Variants in PRDM16 observed in about 807,000 individuals in gnomAD.
PRDM16 encodes histone-lysine N-methyltransferase PRDM16.
In PRDM16, 23 loss-of-function variants were observed where a neutral mutation model predicts 110.6. The ratio of observed to expected loss-of-function variants is 0.21; its 90% CI spans 0.15 to 0.29. PRDM16 has a LOEUF of 0.29. PRDM16 is among the 10% of genes least tolerant of loss of function. PRDM16 has a pLI of 1.00. For synonymous variants in PRDM16, 799 were observed against 781.8 expected (o/e 1.02, Z -0.37); for missense variants, 1,615 against 1,794.3 (o/e 0.90, Z 1.81).
chr1:3,205,075 C>T (rs889629787), intron 2 of PRDM16, among the ~76,000 whole-genome samples: 19 of 152,078 alleles, frequency 1.2e-4, no homozygotes, highest in African/African-American at 4.3e-4. Context: ...CCGTGAAAGG[C>T]TCCCGTCCCC....
intron 3 of PRDM16, among the ~76,000 whole-genome samples, chr1:3,377,755 G>A (rs1014583502): frequency 6.6e-5 from 10 of 152,308 alleles, no homozygotes; most frequent in Non-Finnish European, 1.3e-4. Flanking sequence ...TGCTAAAGCC[G>A]GCCGTGTGGA....
chr1:3,383,208 G>C (rs1196402839), intron 3 of PRDM16, among the ~76,000 whole-genome samples: 2 of 152,230 alleles, frequency 1.3e-5, no homozygotes, highest in African/African-American at 4.8e-5. Context: ...GACAGGCTTT[G>C]AGTGAATCTC....
intron 1 of PRDM16, among the ~76,000 whole-genome samples, chr1:3,115,782 G>A (rs914639956): frequency 2.6e-5 from 4 of 152,210 alleles, no homozygotes; most frequent in African/African-American, 7.2e-5. Flanking sequence ...GGGTGCCCTC[G>A]GGCCGCTGGT....
chr1:3,137,010 G>A (rs2100694245), intron 1 of PRDM16, among the ~76,000 whole-genome samples: 1 of 152,320 alleles, frequency 6.6e-6, no homozygotes, highest in African/African-American at 2.4e-5. Flanking sequence ...CACCCCCAGG[G>A]TCCCATCACC....
intron 3 of PRDM16, among the ~76,000 whole-genome samples, chr1:3,287,809 G>T (rs553114136): frequency 1.4e-5 from 2 of 146,952 alleles, no homozygotes; most frequent in African/African-American, 2.5e-5. Flanking sequence ...TGCCACGTGG[G>T]CATCCAGGAT....
intron 1 of PRDM16, among the ~76,000 whole-genome samples, chr1:3,136,968 G>A (rs1028003146): frequency 1.3e-5 from 2 of 152,220 alleles, no homozygotes; most frequent in Non-Finnish European, 2.9e-5. Context: ...GAGAGAGGCT[G>A]GTGCAGGGAG....
chr1:3,113,988 C>G (rs2100645167), intron 1 of PRDM16, among the ~76,000 whole-genome samples: 1 of 152,326 alleles, frequency 6.6e-6, no homozygotes, highest in Non-Finnish European at 1.5e-5. Context: ...GGAGTGGTTC[C>G]TCTGTTTTCT....
intron 3 of PRDM16, among the ~76,000 whole-genome samples, chr1:3,374,825 G>A (rs72633310): frequency 5.2e-4 from 79 of 152,304 alleles, no homozygotes; most frequent in Admixed American, 6.5e-4. Flanking sequence ...TTGACTATCC[G>A]GAAGACCCAG....
chr1:3,293,223 C>T (rs908184646), intron 3 of PRDM16, among the ~76,000 whole-genome samples: 1 of 152,186 alleles, frequency 6.6e-6, no homozygotes, highest in Non-Finnish European at 1.5e-5. Context: ...GATCCTAAGT[C>T]GGGGCGAGGG....
intron 1 of PRDM16, among the ~76,000 whole-genome samples, chr1:3,169,038 C>T (rs1643994292): frequency 6.6e-6 from 1 of 152,208 alleles, no homozygotes. Flanking sequence ...CTCCCCACCC[C>T]TGTAAGAGGG....
intron 3 of PRDM16, among the ~76,000 whole-genome samples, chr1:3,252,052 G>A (rs960205809): frequency 2.6e-5 from 4 of 152,192 alleles, no homozygotes; most frequent in Non-Finnish European, 4.4e-5. Context: ...GCCGGGTGGC[G>A]GGGTTCCCCT....
At position 3,425,844 on chromosome 1, in the gene PRDM16, A is replaced by G; in HGVS notation, c.3109+94A>G. 1 of 1,483,520 alleles carries G rather than the reference A, an allele frequency of 6.7e-7. No individual in the cohort carries two copies. Among genetic ancestry groups the G allele is most frequent in the Non-Finnish European group, 9.2e-7 (1 of 1,084,694 alleles). The allele number at this position is 1,483,520 out of a possible 1,614,324, so 91.9% of individuals were successfully genotyped here. A position where few individuals can be genotyped will look rare whatever the true frequency, so the allele number is the denominator to read the frequency against. On this transcript the variant is annotated intron_variant, in intron 13 of 16. Transcript: ENST00000270722. This position sits in a 1 kb window ranked among gnomAD's most constrained non-coding sequence, Gnocchi z 6.9. Reference sequence around the variant, plus strand: ...AACAGCAGGGGAGTGGGCGCCGGGCAGGGAAGAGGGCCACAGACTACCCCT... The same window carrying G: ...AACAGCAGGGGAGTGGGCGCCGGGCGGGGAAGAGGGCCACAGACTACCCCT...
At chr1:3,431,855 A>C in intron 15 of PRDM16, 111 bp from the exon 16 acceptor site, 2 of 1,055,086 alleles carry the variant, frequency 1.9e-6, no homozygotes, top group Non-Finnish European at 2.8e-6. Flanking sequence ...TGTGGCTGGC[A>C]GAGATGCAGC....
rs766121911 is a variant in PRDM16 at position 3,359,677 on chromosome 1, T to A, written c.439-25475T>A. The stretch of plus-strand genomic sequence containing the variant: ...CTTGTCTTAAAGGGTCTTTAGAAAA[T>A]TTTTGGCAATCTTGACTTCTTTCCC... On this transcript the variant is annotated intron_variant, in intron 3 of 16. Coordinates refer to ENST00000270722, the MANE Select transcript of PRDM16 (RefSeq NM_022114.4). This position sits in a 1 kb window ranked among gnomAD's most constrained non-coding sequence, Gnocchi z 4.3. 2.6e-5 allele frequency among the ~76,000 whole-genome samples: 4 copies of A among 152,198 alleles called. No homozygotes were observed. The Middle Eastern group carries it at 0.01, about 388-fold the overall frequency.
chr1:3,240,990 C>T (rs1460489816), intron 2 of PRDM16, among the ~76,000 whole-genome samples: 1 of 152,186 alleles, frequency 6.6e-6, no homozygotes, highest in Non-Finnish European at 1.5e-5. Flanking sequence ...TGCCAGCAAT[C>T]GAGGAGCCAG....
chr1:3,327,900 C>T (rs1315442839), intron 3 of PRDM16, among the ~76,000 whole-genome samples: 2 of 152,230 alleles, frequency 1.3e-5, no homozygotes, highest in African/African-American at 4.8e-5. Flanking sequence ...AGATGGGGTT[C>T]AGCGGCCCAG....
intron 1 of PRDM16, among the ~76,000 whole-genome samples, chr1:3,096,656 C>T (rs1642406753): frequency 6.6e-6 from 1 of 152,176 alleles, no homozygotes; most frequent in Non-Finnish European, 1.5e-5. Flanking sequence ...CCCTCTCCTG[C>T]CCCTGGACCA....
At chr1:3,137,666 T>C (rs1643466757) in intron 1 of PRDM16, among the ~76,000 whole-genome samples, 1 of 152,198 alleles carries the variant, frequency 6.6e-6, no homozygotes, top group African/African-American at 2.4e-5. Flanking sequence ...GCAAACCCCA[T>C]CCCACGAAGG....
At chr1:3,284,982 A>G (rs1196068501) in intron 3 of PRDM16, among the ~76,000 whole-genome samples, 1 of 152,074 alleles carries the variant, frequency 6.6e-6, no homozygotes, top group Non-Finnish European at 1.5e-5. Flanking sequence ...GGGCTTTCGG[A>G]GGCGAATGTT....
Sources: allele counts gnomAD v4.1 joint callset (sites outside exome capture counted in the v4.1 genomes callset), GRCh38; gene constraint gnomAD v4.1.1; non-coding constraint Gnocchi (gnomAD v3.1); transcripts MANE v1.5; gene names NCBI Gene and HGNC (gene_info 2026-07-23, HGNC 2026-07-21).